CNTNAP2: variants seen among roughly 807,000 people sequenced by gnomAD.
The protein encoded by CNTNAP2 is contactin associated protein 2, also known as contactin-associated protein-like 2.
In CNTNAP2, 98 loss-of-function variants were observed where a neutral mutation model predicts 155.2. The observed-to-expected ratio is 0.63, with a 90% CI of 0.54 to 0.75. CNTNAP2 has a LOEUF of 0.75. Among genes scored for constraint, CNTNAP2 ranks in the 30% least tolerant of loss-of-function variants. The pLI is 0.00. For synonymous variants in CNTNAP2, 651 were observed against 631.2 expected (o/e 1.03, Z -0.47); for missense variants, 1,727 against 1,688.1 (o/e 1.02, Z -0.40).
At chr7:147,078,422 C>A (rs139180574) in intron 4 of CNTNAP2, among the ~76,000 whole-genome samples, 65 of 152,300 alleles carry the variant, frequency 4.3e-4, no homozygotes, top group South Asian at 8.3e-4. Flanking sequence ...ATGCATTAAA[C>A]ATTTCCATCT....
intron 20 of CNTNAP2, among the ~76,000 whole-genome samples, chr7:148,260,725 C>G (rs1796543094): frequency 1.3e-5 from 2 of 152,200 alleles, no homozygotes; most frequent in South Asian, 4.1e-4. Flanking sequence ...CGGTGGGTGT[C>G]TGACCGTAAT....
chr7:146,398,786 G>C (rs900849560), intron 1 of CNTNAP2, among the ~76,000 whole-genome samples: 13 of 151,816 alleles, frequency 8.6e-5, no homozygotes, highest in African/African-American at 3.1e-4. Context: ...ATATTTATTT[G>C]GCCTGTAAAA....
intron 13 of CNTNAP2, among the ~76,000 whole-genome samples, chr7:147,721,671 T>C (rs1391173135): frequency 6.6e-6 from 1 of 152,136 alleles, no homozygotes; most frequent in African/African-American, 2.4e-5. Context: ...AGTTTCTCTT[T>C]AAATTAAACC....
chr7:146,195,634 A>G (rs999990161), intron 1 of CNTNAP2, among the ~76,000 whole-genome samples: 2 of 152,160 alleles, frequency 1.3e-5, no homozygotes, highest in African/African-American at 4.8e-5. Context: ...TGAAGGGTGC[A>G]AACTGCTAAA....
intron 1 of CNTNAP2, among the ~76,000 whole-genome samples, chr7:146,445,679 T>A (rs1796392780): frequency 6.6e-6 from 1 of 152,218 alleles, no homozygotes; most frequent in South Asian, 2.1e-4. Context: ...TATCCTACTT[T>A]TATTTTAGTA....
chr7:146,646,507 A>G (rs1799814801), intron 1 of CNTNAP2, among the ~76,000 whole-genome samples: 1 of 152,206 alleles, frequency 6.6e-6, no homozygotes, highest in South Asian at 2.1e-4. Flanking sequence ...ATAAATATAC[A>G]TTATAGGTAA....
chr7:147,177,420 G>A (rs952494925), intron 8 of CNTNAP2, among the ~76,000 whole-genome samples: 21 of 152,026 alleles, frequency 1.4e-4, no homozygotes, highest in Admixed American at 1.1e-3. Flanking sequence ...CTGTGAAGAG[G>A]TGCCTTCCGC....
At chr7:148,112,941 C>T (rs766578297) in intron 15 of CNTNAP2, among the ~76,000 whole-genome samples, 1 of 151,088 alleles carries the variant, frequency 6.6e-6, no homozygotes, top group African/African-American at 2.4e-5. Context: ...TGGGAAGGGG[C>T]GGGAAGCAGG....
chr7:147,651,860 AC>A, intron 13 of CNTNAP2, among the ~76,000 whole-genome samples: 1 of 152,286 alleles, frequency 6.6e-6, no homozygotes, highest in African/African-American at 2.4e-5. Context: ...AAAGGGAAGC[AC>A]CTCCATTGAG....
intron 1 of CNTNAP2, among the ~76,000 whole-genome samples, chr7:146,545,596 GT>G (rs1397822940): frequency 9.9e-5 from 15 of 151,788 alleles, no homozygotes; most frequent in Admixed American, 2.6e-4. Flanking sequence ...GCGGTGTTTG[GT>G]TTTCTGTTCC....
At chr7:146,505,475 G>A (rs930711015) in intron 1 of CNTNAP2, among the ~76,000 whole-genome samples, 1 of 152,204 alleles carries the variant, frequency 6.6e-6, no homozygotes, top group Non-Finnish European at 1.5e-5. Flanking sequence ...GTTCCTTTGG[G>A]TCTATATCTT....
At chr7:147,374,848 T>G (rs1432407531) in intron 9 of CNTNAP2, among the ~76,000 whole-genome samples, 2 of 152,060 alleles carry the variant, frequency 1.3e-5, no homozygotes, top group Non-Finnish European at 2.9e-5. Flanking sequence ...AGTGTTACTA[T>G]ACACTCAGTA....
intron 9 of CNTNAP2, among the ~76,000 whole-genome samples, chr7:147,339,927 G>A (rs1795731906): frequency 6.6e-6 from 1 of 152,148 alleles, no homozygotes; most frequent in South Asian, 2.1e-4. Context: ...AGCTCTTGCT[G>A]TCTCTCTCAG....
intron 15 of CNTNAP2, among the ~76,000 whole-genome samples, chr7:148,087,105 A>G (rs1398799393): frequency 6.6e-6 from 1 of 152,080 alleles, no homozygotes; most frequent in African/African-American, 2.4e-5. Context: ...TCCTCAGAAC[A>G]CGTGCCCGAA....
At chr7:147,992,304 G>C (rs1033058069) in intron 15 of CNTNAP2, among the ~76,000 whole-genome samples, 2 of 151,764 alleles carry the variant, frequency 1.3e-5, no homozygotes, top group East Asian at 3.9e-4. Context: ...TATAGGTGAA[G>C]TTTCACCACA....
chr7:148,339,257 GAAA>G (rs11454206), intron 21 of CNTNAP2, among the ~76,000 whole-genome samples: 1 of 140,912 alleles, frequency 7.1e-6, no homozygotes, highest in African/African-American at 2.6e-5. Flanking sequence ...CCCAAACATC[GAAA>G]AAAAAAAAAA....
intron 1 of CNTNAP2, among the ~76,000 whole-genome samples, chr7:146,123,572 A>G (rs910856258): frequency 2.6e-5 from 4 of 152,228 alleles, no homozygotes; most frequent in African/African-American, 9.6e-5. Context: ...GTTCACCTCT[A>G]TGCATTAGAT....
At chr7:146,299,501 A>G (rs2129088068) in intron 1 of CNTNAP2, among the ~76,000 whole-genome samples, 1 of 152,234 alleles carries the variant, frequency 6.6e-6, no homozygotes, top group Admixed American at 6.5e-5. Context: ...CTCCCATTTC[A>G]GCCTCTGAAT....
intron 15 of CNTNAP2, among the ~76,000 whole-genome samples, chr7:148,006,368 G>A (rs1020710982): frequency 4.4e-5 from 6 of 136,104 alleles, no homozygotes; most frequent in Non-Finnish European, 9.1e-5. Flanking sequence ...TGCCCTGGAT[G>A]GAGTACAGTG....
Sources: allele counts gnomAD v4.1 joint callset (sites outside exome capture counted in the v4.1 genomes callset), GRCh38; gene constraint gnomAD v4.1.1; transcripts MANE v1.5; gene names NCBI Gene and HGNC (gene_info 2026-07-23, HGNC 2026-07-21).